Variants in ITGA8 observed in about 807,000 individuals in gnomAD.
The protein encoded by ITGA8 is integrin subunit alpha 8, also known as integrin alpha-8.
In ITGA8, 91 loss-of-function variants were observed where a neutral mutation model predicts 142.3. The observed-to-expected ratio is 0.64, with a 90% confidence interval of 0.54 to 0.76. ITGA8 has a LOEUF of 0.76. Ranked by LOEUF, ITGA8 falls within the 30% of genes least tolerant of loss-of-function variation. The pLI is 0.00. For synonymous variants in ITGA8, 505 were observed against 485.2 expected, an observed-to-expected ratio of 1.04 and a Z score of -0.54; for missense variants, 1,406 against 1,327.7, an observed-to-expected ratio of 1.06 and a Z score of -0.92.
intron 25 of ITGA8, among the ~76,000 whole-genome samples, chr10:15,562,036 A>G (rs1833992434): frequency 6.6e-6 from 1 of 152,212 alleles, no homozygotes; most frequent in African/African-American, 2.4e-5. Context: ...TATCACGAGA[A>G]AAGCATGGCT....
chr10:15,556,240 G>C (rs1833887902), intron 26 of ITGA8, among the ~76,000 whole-genome samples: 1 of 150,920 alleles, frequency 6.6e-6, no homozygotes, highest in Non-Finnish European at 1.5e-5. Context: ...TGTTGGCCAG[G>C]CTGGTGTGGA....
At chr10:15,573,977 AT>A (rs1182439328) in intron 24 of ITGA8, among the ~76,000 whole-genome samples, 1 of 151,830 alleles carries the variant, frequency 6.6e-6, no homozygotes, top group Non-Finnish European at 1.5e-5. Context: ...TTAGAAAATT[AT>A]TTATGTTTGT....
At chr10:15,662,441 C>T (rs1372160064) in intron 8 of ITGA8, among the ~76,000 whole-genome samples, 1 of 149,646 alleles carries the variant, frequency 6.7e-6, no homozygotes, top group Non-Finnish European at 1.5e-5. Flanking sequence ...TGGGCTCAAG[C>T]CATCCTTCTA....
intron 16 of ITGA8, 120 bp downstream of exon 16, chr10:15,608,115 C>T: frequency 2.7e-6 from 2 of 745,154 alleles, no homozygotes; most frequent in Non-Finnish European, 4.6e-6. Context: ...TCCATATATG[C>T]AACAGATATC....
At chr10:15,538,934 C>T (rs541704998) in intron 27 of ITGA8, among the ~76,000 whole-genome samples, 1 of 147,578 alleles carries the variant, frequency 6.8e-6, no homozygotes, top group African/African-American at 2.5e-5. Flanking sequence ...AAGAAACCAC[C>T]TGACATTTTC....
At chr10:15,535,885 G>C (rs192709518) in intron 27 of ITGA8, among the ~76,000 whole-genome samples, 1 of 152,084 alleles carries the variant, frequency 6.6e-6, no homozygotes. Flanking sequence ...TTTATGAGCT[G>C]TAACACTCAC....
At chr10:15,554,765 A>G (rs1362977669) in intron 26 of ITGA8, among the ~76,000 whole-genome samples, 2 of 150,528 alleles carry the variant, frequency 1.3e-5, no homozygotes, top group Non-Finnish European at 2.9e-5. Flanking sequence ...TTTAATGAAG[A>G]AAAGAGGTTT....
In ITGA8 at chr10:15,719,816, G is replaced by A; in HGVS notation, c.-45C>T. On this transcript the variant is annotated 5_prime_UTR_variant, in exon 1 of 30. Coordinates refer to ENST00000378076, the MANE Select transcript of ITGA8 (RefSeq NM_003638.3). Reference sequence around the variant, plus strand: ...TGGCTGCTACCCAGGAGCGCGAGCCGAGGACCCCTGCGGGGCAAGGGGGGC... The same window carrying A: ...TGGCTGCTACCCAGGAGCGCGAGCCAAGGACCCCTGCGGGGCAAGGGGGGC... 2 of 1,295,630 alleles carry A rather than the reference G, an allele frequency of 1.5e-6. No homozygotes were observed. Among genetic ancestry groups the A allele is most frequent in the Non-Finnish European group, 2.0e-6 (2 of 1,020,330 alleles). The allele number at this position is 1,295,630 out of a possible 1,614,324, so 80.3% of individuals were successfully genotyped here.
intron 27 of ITGA8, among the ~76,000 whole-genome samples, chr10:15,539,878 G>A (rs776698538): frequency 2.0e-5 from 3 of 152,090 alleles, no homozygotes; most frequent in Non-Finnish European, 4.4e-5. Context: ...GGGTGGGGCC[G>A]GGTGGAGATA....
intron 8 of ITGA8, among the ~76,000 whole-genome samples, chr10:15,661,672 T>C (rs1834289500): frequency 6.6e-6 from 1 of 152,182 alleles, no homozygotes; most frequent in African/African-American, 2.4e-5. Context: ...TTTGTACTAG[T>C]ATAAAAATTA....
intron 24 of ITGA8, among the ~76,000 whole-genome samples, 156 bp from the exon 25 acceptor site, chr10:15,572,525 T>C (rs941459543): frequency 6.6e-6 from 1 of 152,212 alleles, no homozygotes; most frequent in African/African-American, 2.4e-5. Context: ...AAAGTCGATA[T>C]GGCAAGAAGC....
At chr10:15,665,878 C>T (rs1834381951) in intron 8 of ITGA8, among the ~76,000 whole-genome samples, 1 of 152,108 alleles carries the variant, frequency 6.6e-6, no homozygotes. Flanking sequence ...TGATCTATAT[C>T]TCTGTTTTGG....
rs1279270436 is a variant in ITGA8 at position 15,719,674 on chromosome 10, GA to G, written c.97del (p.Ser33ProfsTer108). On this transcript the variant is annotated frameshift_variant, in exon 1 of 30. Coordinates refer to ENST00000378076, the MANE Select transcript of ITGA8 (RefSeq NM_003638.3). LOFTEE classifies it high-confidence loss of function. ...CAGGTTGAACGCCTGACAGGCGGGG[GA>G]CCACAGCAACATCCCCAGCGCGGCC... ...AAAALGMLLWSPACQAFNLDV... is the reference protein window; with the variant it reads ...AAAALGMLLWXPACQAFNLDV... 2.7e-6 allele frequency: 4 copies of G among 1,502,982 alleles called. No individual in the cohort carries two copies. Among genetic ancestry groups the G allele is most frequent in the Non-Finnish European group, 3.5e-6 (4 of 1,136,596 alleles). 93.1% of individuals were successfully genotyped at this position (1,502,982 alleles called of 1,614,324 possible).
chr10:15,710,382 C>T (rs1268092990), intron 2 of ITGA8, among the ~76,000 whole-genome samples: 1 of 152,158 alleles, frequency 6.6e-6, no homozygotes, highest in Non-Finnish European at 1.5e-5. Context: ...CACAAATAGG[C>T]TGTTCAAAAA....
intron 2 of ITGA8, among the ~76,000 whole-genome samples, chr10:15,710,046 T>C (rs1351124544): frequency 6.6e-6 from 1 of 152,232 alleles, no homozygotes; most frequent in Non-Finnish European, 1.5e-5. Flanking sequence ...GTGAACTCAA[T>C]CATTTCATTT....
chr10:15,698,287 A>G (rs1211321047), intron 2 of ITGA8, among the ~76,000 whole-genome samples: 1 of 152,198 alleles, frequency 6.6e-6, no homozygotes, highest in Non-Finnish European at 1.5e-5. Context: ...TAAATATACC[A>G]TACTTTCTTG....
intron 13 of ITGA8, among the ~76,000 whole-genome samples, chr10:15,634,832 T>G (rs1833743117): frequency 6.6e-6 from 1 of 152,076 alleles, no homozygotes; most frequent in Admixed American, 6.6e-5. Flanking sequence ...CATTGATTCA[T>G]TAATAGCTCA....
At chr10:15,592,076 G>T in intron 22 of ITGA8, 149 bp downstream of exon 22, 2 of 547,412 alleles carry the variant, frequency 3.7e-6, no homozygotes, top group Non-Finnish European at 6.5e-6. Context: ...AAACAATTGA[G>T]AAAAACAAAG....
chr10:15,717,959 A>G (rs1158074946), intron 2 of ITGA8, among the ~76,000 whole-genome samples: 1 of 152,250 alleles, frequency 6.6e-6, no homozygotes, highest in Admixed American at 6.5e-5. Context: ...ATCAAGGACC[A>G]TTGTTCAAGC....
Sources: gnomAD v4.1 joint callset for allele counts (sites outside exome capture counted in the v4.1 genomes callset) on GRCh38, gnomAD v4.1.1 for gene constraint, MANE v1.5 for transcripts, NCBI Gene and HGNC (gene_info 2026-07-23, HGNC 2026-07-21) for gene names.